The following EYS variants were observed in gnomAD, a reference collection of about 807,000 sequenced individuals.
EYS encodes the protein EGF-like photoreceptor maintenance factor.
Under a neutral mutation model 282.1 loss-of-function variants are expected in EYS, and 250 were observed. That is an observed-to-expected ratio of 0.89 (90% CI 0.80 to 0.98). The LOEUF (loss-of-function observed/expected upper bound fraction) is 0.98, where lower values mean the gene tolerates loss of function less well. Among genes scored for constraint, EYS ranks in the 50% least tolerant of loss-of-function variants. EYS has a pLI of 0.00. For synonymous variants in EYS, 1,355 were observed against 1,282.9 expected (o/e 1.06, Z -1.20); for missense variants, 4,016 against 3,709.0 (o/e 1.08, Z -2.15).
intron 35 of EYS, among the ~76,000 whole-genome samples, chr6:63,881,306 T>G (rs928331805): frequency 3.3e-5 from 5 of 152,148 alleles, no homozygotes; most frequent in Non-Finnish European, 7.4e-5. Flanking sequence ...ACTGCTAGGC[T>G]CACTATAGCA....
chr6:64,860,924 C>T (rs1766216015), intron 19 of EYS, among the ~76,000 whole-genome samples: 2 of 152,144 alleles, frequency 1.3e-5, no homozygotes, highest in Non-Finnish European at 2.9e-5. Flanking sequence ...TCTGGGTTTC[C>T]GCCTGCCTCA....
At chr6:65,695,557 A>G (rs1379662103) in intron 1 of EYS, among the ~76,000 whole-genome samples, 1 of 152,002 alleles carries the variant, frequency 6.6e-6, no homozygotes, top group Non-Finnish European at 1.5e-5. Flanking sequence ...GAAGTCAGTG[A>G]AGGAAAAAGA....
intron 12 of EYS, among the ~76,000 whole-genome samples, chr6:65,125,997 T>C (rs1486756314): frequency 6.6e-6 from 1 of 152,136 alleles, no homozygotes; most frequent in African/African-American, 2.4e-5. Context: ...ATAATTTACG[T>C]ATGCATATGA....
At chr6:64,880,942 A>T (rs1358375398) in intron 19 of EYS, among the ~76,000 whole-genome samples, 8 of 148,802 alleles carry the variant, frequency 5.4e-5, no homozygotes, top group Non-Finnish European at 1.5e-5. Context: ...ATGTGAATAA[A>T]TTTTTTTTTT....
chr6:65,035,851 CTACTAATAATTTGTAT>C (rs1441377815), intron 13 of EYS, among the ~76,000 whole-genome samples: 28 of 146,272 alleles, frequency 1.9e-4, no homozygotes, highest in Admixed American at 1.0e-3. Context: ...TCCATATAAA[CTACTAATAATTTGTAT>C]TATTAATAAT....
intron 22 of EYS, among the ~76,000 whole-genome samples, chr6:64,679,210 G>A (rs978435230): frequency 7.3e-5 from 11 of 151,034 alleles, no homozygotes; most frequent in Non-Finnish European, 1.6e-4. Flanking sequence ...TTTTTTTATG[G>A]ATGTATGAGT....
chr6:64,800,030 A>C (rs1774489678), intron 22 of EYS, among the ~76,000 whole-genome samples: 1 of 152,026 alleles, frequency 6.6e-6, no homozygotes, highest in African/African-American at 2.4e-5. Flanking sequence ...TATCACTATC[A>C]GGTTTATAGT....
chr6:63,843,122 T>C (rs1772006384), intron 36 of EYS, among the ~76,000 whole-genome samples: 1 of 152,210 alleles, frequency 6.6e-6, no homozygotes, highest in Admixed American at 6.5e-5. Context: ...AAATTTAAAG[T>C]AGGTTTTTCT....
chr6:64,315,570 C>T (rs1306441426), intron 29 of EYS, among the ~76,000 whole-genome samples: 9 of 151,086 alleles, frequency 6.0e-5, no homozygotes, highest in African/African-American at 2.2e-4. Flanking sequence ...TTTTCTACCA[C>T]GATCAAGTCA....
chr6:63,736,066 C>T (rs1049070458), intron 41 of EYS, among the ~76,000 whole-genome samples: 1 of 152,060 alleles, frequency 6.6e-6, no homozygotes, highest in African/African-American at 2.4e-5. Context: ...TTGGATTTGC[C>T]AGGTTTCTTC....
intron 26 of EYS, among the ~76,000 whole-genome samples, chr6:64,564,024 A>G (rs1433301315): frequency 6.6e-6 from 1 of 151,898 alleles, no homozygotes; most frequent in Non-Finnish European, 1.5e-5. Context: ...AACAAATGTC[A>G]TATCTTAGCT....
At chr6:64,747,317 G>A (rs926911460) in intron 22 of EYS, among the ~76,000 whole-genome samples, 1 of 151,938 alleles carries the variant, frequency 6.6e-6, no homozygotes, top group Non-Finnish European at 1.5e-5. Flanking sequence ...TTTTCTTTCT[G>A]GTAACCCTTA....
chr6:64,403,371 T>G (rs572457670), intron 28 of EYS, among the ~76,000 whole-genome samples: 2 of 152,158 alleles, frequency 1.3e-5, no homozygotes, highest in Non-Finnish European at 2.9e-5. Flanking sequence ...AATTTTTTTT[T>G]TCTGAGATGG....
Position 63,720,643 on chromosome 6 carries a change from C to G in EYS, c.9388G>C (p.Glu3130Gln). 6.6e-7 allele frequency: 1 copy of G among 1,526,032 alleles called. No individual in the cohort carries two copies. Among genetic ancestry groups the G allele is most frequent in the Non-Finnish European group, 8.8e-7 (1 of 1,134,916 alleles). 94.5% of individuals were successfully genotyped at this position (1,526,032 alleles called of 1,614,324 possible). A position where few individuals can be genotyped will look rare whatever the true frequency, so the allele number is the denominator to read the frequency against. ...EPKNIELIKL[E>Q]GYNVYDGDEQ... is the part of the protein sequence containing the mutation. ...TCTCCATCATAAACATTGTATCCTT[C>G]TAATTTAATTAGTTCAATGTTTTTT... is the stretch of plus-strand genomic sequence containing the variant. Residue 3130 changes from glutamate to glutamine, a missense_variant, in exon 43 of 43, where the codon GAA becomes CAA. Transcript: ENST00000503581.
At chr6:64,172,334 T>C (rs1764502872) in intron 31 of EYS, among the ~76,000 whole-genome samples, 1 of 152,168 alleles carries the variant, frequency 6.6e-6, no homozygotes, top group Non-Finnish European at 1.5e-5. Flanking sequence ...AAAACTTATA[T>C]GTCTTATATA....
chr6:64,411,924 T>G (rs911864233), intron 28 of EYS, among the ~76,000 whole-genome samples: 3 of 151,474 alleles, frequency 2.0e-5, no homozygotes, highest in South Asian at 2.1e-4. Flanking sequence ...TATGCATGCA[T>G]GTATGTATAT....
At chr6:64,024,139 G>A (rs985356333) in intron 33 of EYS, among the ~76,000 whole-genome samples, 3 of 152,244 alleles carry the variant, frequency 2.0e-5, no homozygotes, top group Non-Finnish European at 4.4e-5. Context: ...CGCAGGACTG[G>A]CAGGCAGCTC....
At position 64,466,467 on chromosome 6, in the gene EYS, G is replaced by C. The variant is rs371114641; in HGVS notation, c.5645-27115C>G. ...ATTTGCAAGACAAAAGATGAAGTTG[G>C]GGAGCACCATGTAAAGTGAATAAGC... On this transcript the variant is annotated intron_variant, in intron 26 of 42. Coordinates refer to ENST00000503581, the MANE Select transcript of EYS (RefSeq NM_001142800.2). 9.2e-5 allele frequency among the ~76,000 whole-genome samples: 14 copies of C among 152,174 alleles called. No individual in the cohort carries two copies. The East Asian group carries it at 1.2e-3, about 13-fold the overall frequency.
At chr6:65,226,598 A>G (rs1490860961) in intron 12 of EYS, among the ~76,000 whole-genome samples, 3 of 152,202 alleles carry the variant, frequency 2.0e-5, no homozygotes, top group Admixed American at 1.3e-4. Flanking sequence ...TAGAACAACA[A>G]CAACCATAAA....
Sources: gnomAD v4.1 joint callset for allele counts (sites outside exome capture counted in the v4.1 genomes callset) on GRCh38, gnomAD v4.1.1 for gene constraint, MANE v1.5 for transcripts, NCBI Gene and HGNC (gene_info 2026-07-23, HGNC 2026-07-21) for gene names.